Variants in TLK2 observed in about 807,000 individuals in gnomAD.
TLK2 encodes the protein tousled like kinase 2, also known as serine/threonine-protein kinase tousled-like 2.
TLK2 carries 6 observed loss-of-function variants against 117.3 expected under a neutral mutation model. The observed-to-expected ratio is 0.05, with a 90% confidence interval of 0.03 to 0.10. The LOEUF (loss-of-function observed/expected upper bound fraction) is 0.10. TLK2 is among the 10% of genes least tolerant of loss of function. TLK2 has a pLI of 1.00. For synonymous variants in TLK2, 257 were observed against 316.7 expected, an observed-to-expected ratio of 0.81 and a Z score of 2.00; for missense variants, 299 against 901.2, an observed-to-expected ratio of 0.33 and a Z score of 8.56.
chr17:62,564,223 C>A (rs888111585), intron 10 of TLK2, among the ~76,000 whole-genome samples: 1 of 151,676 alleles, frequency 6.6e-6, no homozygotes, highest in Non-Finnish European at 1.5e-5. Flanking sequence ...GCCAACATGG[C>A]GAAACCAGTC....
At chr17:62,525,539 C>T (rs1361721841) in intron 6 of TLK2, among the ~76,000 whole-genome samples, 4 of 151,638 alleles carry the variant, frequency 2.6e-5, no homozygotes, top group East Asian at 1.9e-4. Flanking sequence ...ACCTCTGCCT[C>T]GTAGGCTCAA....
intron 2 of TLK2, among the ~76,000 whole-genome samples, chr17:62,519,048 T>C (rs1338659950): frequency 6.6e-6 from 1 of 152,100 alleles, no homozygotes; most frequent in Admixed American, 6.5e-5. Context: ...CATGCCTCGC[T>C]AATTTTTTGT....
intron 16 of TLK2, 77 bp downstream of exon 16, chr17:62,586,303 G>A (rs2081601530): frequency 1.6e-5 from 16 of 1,002,062 alleles, no homozygotes; most frequent in South Asian, 2.9e-5. Flanking sequence ...CAAGCTTTAC[G>A]TGCATTGTTG....
chr17:62,580,528 C>G (rs532918485), intron 15 of TLK2, among the ~76,000 whole-genome samples: 1 of 152,222 alleles, frequency 6.6e-6, no homozygotes, highest in South Asian at 2.1e-4. Flanking sequence ...ATCTTTCTTT[C>G]TTTTACAGAA....
chr17:62,511,082 C>T (rs1314775445), intron 2 of TLK2, among the ~76,000 whole-genome samples: 1 of 152,134 alleles, frequency 6.6e-6, no homozygotes, highest in Non-Finnish European at 1.5e-5. Flanking sequence ...GTTATTAAAA[C>T]CAAAAAATTG....
intron 15 of TLK2, among the ~76,000 whole-genome samples, chr17:62,582,124 G>T (rs929680584): frequency 1.3e-5 from 2 of 152,194 alleles, no homozygotes; most frequent in African/African-American, 4.8e-5. Flanking sequence ...TGTTGAGTTA[G>T]TGGAAAACAT....
chr17:62,489,174 C>CATGT (rs140698592), intron 2 of TLK2, among the ~76,000 whole-genome samples: 1 of 140,740 alleles, frequency 7.1e-6, no homozygotes, highest in African/African-American at 2.6e-5. Context: ...TTTAATTGTA[C>CATGT]GTGTGTGTGT....
intron 2 of TLK2, among the ~76,000 whole-genome samples, chr17:62,517,801 G>A (rs1027065186): frequency 3.9e-5 from 6 of 152,238 alleles, no homozygotes; most frequent in Admixed American, 2.0e-4. Flanking sequence ...AGGTTCAAGC[G>A]ACTGTCCTGC....
At chr17:62,601,006 G>C (rs75688345) in intron 18 of TLK2, among the ~76,000 whole-genome samples, 186 bp downstream of exon 18, 2 of 152,168 alleles carry the variant, frequency 1.3e-5, no homozygotes, top group Non-Finnish European at 2.9e-5. Context: ...AGGAGGGCGT[G>C]TTGGATTAAA....
intron 9 of TLK2, among the ~76,000 whole-genome samples, chr17:62,556,135 G>C (rs527498631): frequency 9.2e-5 from 14 of 151,772 alleles, no homozygotes; most frequent in Admixed American, 7.9e-4. Flanking sequence ...CACTGGTCTC[G>C]AACTCCTGAC....
intron 11 of TLK2, among the ~76,000 whole-genome samples, chr17:62,565,596 G>T (rs1448340637): frequency 6.8e-6 from 1 of 146,792 alleles, no homozygotes; most frequent in African/African-American, 2.5e-5. Context: ...AGGTTGCAGT[G>T]AGCCGAGATC....
chr17:62,580,899 C>T (rs1378216892), intron 15 of TLK2, among the ~76,000 whole-genome samples: 1 of 152,162 alleles, frequency 6.6e-6, no homozygotes, highest in East Asian at 1.9e-4. Context: ...ATGTTATGCT[C>T]ATATGAATTT....
Position 62,580,091 on chromosome 17 carries a change from C to T in TLK2, c.1287-20C>T, listed in dbSNP as rs759897991. 3 of 1,606,904 alleles carry T rather than the reference C, an allele frequency of 1.9e-6. No individual in the cohort carries two copies. Among genetic ancestry groups the T allele is most frequent in the South Asian group, 1.1e-5 (1 of 90,328 alleles). ...TGTAGTCCATGATCTCAGGGTGTTA[C>T]ATGTTCCCTGTTTCCACAGATTTAA... On this transcript the variant is annotated intron_variant, in intron 14 of 21. Transcript: ENST00000346027.
At chr17:62,571,984 A>G (rs2080337953) in intron 11 of TLK2, among the ~76,000 whole-genome samples, 1 of 152,050 alleles carries the variant, frequency 6.6e-6, no homozygotes, top group South Asian at 2.1e-4. Flanking sequence ...CCTAGCCAAC[A>G]TGATGAAACC....
intron 13 of TLK2, 47 bp from the exon 14 acceptor site, chr17:62,578,430 G>A: frequency 2.0e-6 from 3 of 1,495,614 alleles, no homozygotes; most frequent in South Asian, 2.3e-5. Context: ...ATCCCGAAAA[G>A]GTAAAGTTCC....
intron 2 of TLK2, among the ~76,000 whole-genome samples, chr17:62,499,233 C>T (rs1186338857): frequency 3.3e-5 from 5 of 151,754 alleles, no homozygotes; most frequent in African/African-American, 9.7e-5. Flanking sequence ...CCCAGCTACT[C>T]GGGAGGCTGA....
chr17:62,549,419 A>AAAAAAAAAAAAAG (rs2078238520), intron 7 of TLK2, among the ~76,000 whole-genome samples: 1 of 7,746 alleles, frequency 1.3e-4, no homozygotes, highest in African/African-American at 2.1e-4. Flanking sequence ...AAAAAAAAAA[A>AAAAAAAAAAAAAG]AAAAAAAAAA....
At chr17:62,521,312 C>T (rs917124021) in intron 3 of TLK2, among the ~76,000 whole-genome samples, 10 of 152,082 alleles carry the variant, frequency 6.6e-5, no homozygotes, top group African/African-American at 2.4e-4. Flanking sequence ...TCTTACATGT[C>T]TTAAAATTTT....
At chr17:62,585,096 C>T (rs2081514026) in intron 15 of TLK2, among the ~76,000 whole-genome samples, 1 of 152,164 alleles carries the variant, frequency 6.6e-6, no homozygotes, top group African/African-American at 2.4e-5. Flanking sequence ...CTCAAAAATC[C>T]ATGTTACCTT....
Sources: gnomAD v4.1 joint callset for allele counts (sites outside exome capture counted in the v4.1 genomes callset) on GRCh38, gnomAD v4.1.1 for gene constraint, MANE v1.5 for transcripts, NCBI Gene and HGNC (gene_info 2026-07-23, HGNC 2026-07-21) for gene names.